Variants in ROBO2 observed in about 807,000 individuals in gnomAD.
The protein encoded by ROBO2 is roundabout guidance receptor 2.
ROBO2 carries 53 observed loss-of-function variants against 160.8 expected under a neutral mutation model. The observed-to-expected ratio is 0.33, with a 90% CI of 0.26 to 0.41. The LOEUF is 0.41. Among genes scored for constraint, ROBO2 ranks in the 10% least tolerant of loss-of-function variants. The pLI, the probability that ROBO2 is intolerant of heterozygous loss-of-function variation, is 1.00. For missense variants in ROBO2, 1,577 were observed against 1,722.4 expected (o/e 0.92, Z 1.49); for synonymous variants, 664 against 611.7 (o/e 1.09, Z -1.26).
intron 1 of ROBO2, among the ~76,000 whole-genome samples, chr3:77,093,199 A>T (rs1256386515): frequency 6.6e-6 from 1 of 152,190 alleles, no homozygotes; most frequent in Non-Finnish European, 1.5e-5. Flanking sequence ...GCAGATTCAG[A>T]TTTCAGATAT....
intron 2 of ROBO2, among the ~76,000 whole-genome samples, chr3:76,337,707 T>G (rs2073980732): frequency 6.6e-6 from 1 of 152,192 alleles, no homozygotes; most frequent in Non-Finnish European, 1.5e-5. Flanking sequence ...CTGATACTTA[T>G]TTCTTTATGC....
In ROBO2 at chr3:77,486,362, A is replaced by T. The variant is rs527650536; in HGVS notation, c.667+5143A>T. Among the ~76,000 whole-genome samples, 13 of 152,292 alleles carry T rather than the reference A, an allele frequency of 8.5e-5. No individual in the cohort carries two copies. The East Asian group carries it at 1.7e-3, about 20-fold the overall frequency. ...CCACACTGTCTTCCACAACAGTTGAACTAATTTACATTCCCACCAACTGTG... is the reference window on the plus strand; with the variant it reads ...CCACACTGTCTTCCACAACAGTTGATCTAATTTACATTCCCACCAACTGTG... On this transcript the variant is annotated intron_variant, in intron 4 of 25. Coordinates refer to ENST00000461745, the Ensembl canonical transcript of ROBO2.
chr3:77,159,540 A>C (rs979363689), intron 2 of ROBO2, among the ~76,000 whole-genome samples: 43 of 152,144 alleles, frequency 2.8e-4, no homozygotes, highest in African/African-American at 9.4e-4. Flanking sequence ...AATACTGTTC[A>C]TTCTTTAGTC....
At chr3:77,611,115 G>A (rs1453422584) in intron 21 of ROBO2, among the ~76,000 whole-genome samples, 2 of 151,918 alleles carry the variant, frequency 1.3e-5, no homozygotes, top group Non-Finnish European at 2.9e-5. Context: ...TGGCTAACAC[G>A]GTGAAACCCC....
chr3:76,600,790 T>G (rs1024086617), intron 2 of ROBO2, among the ~76,000 whole-genome samples: 2 of 152,076 alleles, frequency 1.3e-5, no homozygotes, highest in African/African-American at 4.8e-5. Flanking sequence ...GGCCTCACAT[T>G]TCAAAACCCA....
chr3:77,048,383 A>G (rs1304687272), intron 1 of ROBO2, among the ~76,000 whole-genome samples: 4 of 152,170 alleles, frequency 2.6e-5, no homozygotes, highest in Non-Finnish European at 5.9e-5. Context: ...TCATAAGCTG[A>G]TTACAAAACA....
At chr3:77,411,814 G>A (rs1418859751) in intron 2 of ROBO2, among the ~76,000 whole-genome samples, 1 of 152,166 alleles carries the variant, frequency 6.6e-6, no homozygotes, top group Admixed American at 6.5e-5. Context: ...ACAGGTATGA[G>A]CATGGCATTT....
intron 2 of ROBO2, among the ~76,000 whole-genome samples, chr3:75,997,094 A>G (rs1050315485): frequency 1.3e-5 from 2 of 152,214 alleles, no homozygotes; most frequent in Admixed American, 1.3e-4. Flanking sequence ...TCAATTGTTC[A>G]AAGATTCAAT....
chr3:77,524,766 A>G (rs2090966301), intron 6 of ROBO2, among the ~76,000 whole-genome samples: 1 of 151,106 alleles, frequency 6.6e-6, no homozygotes, highest in East Asian at 2.0e-4. Flanking sequence ...AAACTAATAG[A>G]GAGCATTGTT....
intron 10 of ROBO2, 55 bp from the exon 12 acceptor site, chr3:77,563,112 A>C (rs2093377826): frequency 6.4e-7 from 1 of 1,551,596 alleles, no homozygotes; most frequent in South Asian, 1.1e-5. Context: ...TCTTTTAGGC[A>C]GTATTGTCAA....
At chr3:76,360,629 A>G (rs1267006049) in intron 2 of ROBO2, among the ~76,000 whole-genome samples, 1 of 152,124 alleles carries the variant, frequency 6.6e-6, no homozygotes, top group East Asian at 1.9e-4. Context: ...TTTCCAGTTT[A>G]GCATTGTACT....
At chr3:75,928,335 C>G (rs1473938647) in intron 1 of ROBO2, among the ~76,000 whole-genome samples, 2 of 152,220 alleles carry the variant, frequency 1.3e-5, no homozygotes, top group Non-Finnish European at 2.9e-5. Flanking sequence ...AAAATACAAA[C>G]TGTTTTTGCA....
intron 2 of ROBO2, among the ~76,000 whole-genome samples, chr3:77,466,130 G>A (rs1560913665): frequency 6.6e-6 from 1 of 152,106 alleles, no homozygotes; most frequent in East Asian, 1.9e-4. Flanking sequence ...TTTTTAATCA[G>A]TGAATTTAAA....
intron 2 of ROBO2, among the ~76,000 whole-genome samples, chr3:77,460,333 T>G (rs1187522766): frequency 2.0e-5 from 3 of 152,104 alleles, no homozygotes; most frequent in Non-Finnish European, 4.4e-5. Flanking sequence ...GCGAAAACCA[T>G]GAATTCCATT....
intron 2 of ROBO2, among the ~76,000 whole-genome samples, chr3:76,147,000 C>T (rs1448175459): frequency 6.6e-6 from 1 of 150,514 alleles, no homozygotes; most frequent in African/African-American, 2.4e-5. Context: ...GGGAGAAGAT[C>T]AGGAAAAATA....
chr3:77,412,694 C>A (rs1301542093), intron 2 of ROBO2, among the ~76,000 whole-genome samples: 1 of 152,146 alleles, frequency 6.6e-6, no homozygotes, highest in African/African-American at 2.4e-5. Context: ...CCTTAGAGAC[C>A]CATCCTGCCA....
chr3:77,506,273 G>A (rs2088509025), intron 5 of ROBO2, among the ~76,000 whole-genome samples: 1 of 152,116 alleles, frequency 6.6e-6, no homozygotes, highest in Non-Finnish European at 1.5e-5. Flanking sequence ...AGAAAATAAA[G>A]TGATTCTTCT....
chr3:76,120,792 C>T (rs974013415), intron 2 of ROBO2, among the ~76,000 whole-genome samples: 1 of 152,128 alleles, frequency 6.6e-6, no homozygotes, highest in African/African-American at 2.4e-5. Flanking sequence ...TTATCTTGTT[C>T]ATATGAACCC....
rs2078755104 is a variant in ROBO2, at chr3:76,948,894, ATATATATATATATATTTTTT to A, written c.110-149118_110-149099del. 3.7e-4 allele frequency among the ~76,000 whole-genome samples: 10 copies of A among 26,718 alleles called. 1 individual carries two copies. In the South Asian group the frequency reaches 8.6e-3, roughly 23 times the overall value. The allele number at this position is 26,718 out of a possible 152,430, so 17.5% of individuals were successfully genotyped here. ...TAATTTTATATATATATATATATAT[ATATATATATATATATTTTTT>A]TTTTTTTTTTTTTTTTAGTAGAGAT... On this transcript the variant is annotated intron_variant, in intron 2 of 26. Transcript: ENST00000487694.
Sources: gnomAD v4.1 joint callset for allele counts (sites outside exome capture counted in the v4.1 genomes callset) on GRCh38, gnomAD v4.1.1 for gene constraint, MANE v1.5 for transcripts, NCBI Gene and HGNC (gene_info 2026-07-23, HGNC 2026-07-21) for gene names.